The following ABCA8 variants were observed in gnomAD, a reference collection of about 807,000 sequenced individuals.
ABCA8 encodes the protein ATP binding cassette subfamily A member 8.
ABCA8 carries 177 observed loss-of-function variants against 192.3 expected under a neutral mutation model. The observed-to-expected ratio is 0.92, with a 90% CI of 0.81 to 1.04. The LOEUF is 1.04. Ranked by LOEUF, ABCA8 falls within the 50% of genes least tolerant of loss-of-function variation. The pLI, the probability that ABCA8 is intolerant of heterozygous loss-of-function variation, is 0.00. For synonymous variants in ABCA8, 642 were observed against 690.2 expected, an observed-to-expected ratio of 0.93 and a Z score of 1.09; for missense variants, 1,915 against 1,904.8, an observed-to-expected ratio of 1.01 and a Z score of -0.10.
At chr17:68,868,388 T>C (rs1176192658) in intron 38 of ABCA8, 32 bp from the exon 39 acceptor site, 3 of 1,566,172 alleles carry the variant, frequency 1.9e-6, no homozygotes, top group Non-Finnish European at 2.6e-6. Flanking sequence ...TTAGTTCATA[T>C]ATTTCATATC....
chr17:68,894,372 C>A, intron 22 of ABCA8, 62 bp from the exon 23 acceptor site: 1 of 1,400,130 alleles, frequency 7.1e-7, no homozygotes, highest in South Asian at 1.4e-5. Context: ...CTAAAAAAGT[C>A]AAAATTTGAC....
chr17:68,886,370 A>G (rs2066461485), intron 26 of ABCA8, among the ~76,000 whole-genome samples: 1 of 152,174 alleles, frequency 6.6e-6, no homozygotes, highest in Non-Finnish European at 1.5e-5. Flanking sequence ...TCCTAGGATC[A>G]GCTTGGGCTT....
chr17:68,885,031 G>A (rs2066424116), intron 27 of ABCA8, among the ~76,000 whole-genome samples, 165 bp downstream of exon 27: 1 of 152,146 alleles, frequency 6.6e-6, no homozygotes, highest in Non-Finnish European at 1.5e-5. Flanking sequence ...CCAGTCAGCT[G>A]GAACATATTG....
chr17:68,909,421 A>G lies in ABCA8; in HGVS notation c.2139-1542T>C, dbSNP rs181681864. 2.4e-3 allele frequency among the ~76,000 whole-genome samples: 362 copies of G among 152,316 alleles called. 1 individual carries two copies. In the Middle Eastern group the frequency reaches 0.024, roughly 10 times the overall value. On this transcript the variant is annotated intron_variant, in intron 17 of 39. Coordinates refer to ENST00000586539, the MANE Select transcript of ABCA8 (RefSeq NM_001288985.2). ...GTAGGCTGGATGTGGCTCATGAGCTATAATTTGTTGGCCCTTAGATTAGAA... is the reference window on the plus strand; with the variant it reads ...GTAGGCTGGATGTGGCTCATGAGCTGTAATTTGTTGGCCCTTAGATTAGAA...
At chr17:68,884,651 A>G in intron 27 of ABCA8, 1 of 1,177,554 alleles carries the variant, frequency 8.5e-7, no homozygotes, top group Non-Finnish European at 1.0e-6. Context: ...AACCTCCCCA[A>G]ACAGTGAGAG....
chr17:68,887,886 A>ATATATC (rs1414912241), intron 24 of ABCA8, among the ~76,000 whole-genome samples: 2 of 41,568 alleles, frequency 4.8e-5, no homozygotes, highest in East Asian at 7.4e-3. Flanking sequence ...TCCTCCATAT[A>ATATATC]TATATATATA....
intron 22 of ABCA8, 182 bp downstream of exon 22, chr17:68,894,698 A>C: frequency 3.2e-6 from 2 of 634,286 alleles, no homozygotes; most frequent in Non-Finnish European, 5.2e-6. Flanking sequence ...TTTTGCTAAT[A>C]GTTTGTGCCA....
chr17:68,918,930 CAAAAAAAAAA>C (rs34377045), intron 14 of ABCA8, among the ~76,000 whole-genome samples: 3 of 45,954 alleles, frequency 6.5e-5, no homozygotes, highest in African/African-American at 1.5e-4. Context: ...AACTCTGTCT[CAAAAAAAAAA>C]AAAAAAAAAA....
rs111832194 is a variant in ABCA8, at chr17:68,901,578, C to T, written c.2764+1135G>A. On this transcript the variant is annotated intron_variant, in intron 21 of 39. Coordinates refer to ENST00000586539, the MANE Select transcript of ABCA8 (RefSeq NM_001288985.2). ...ATCCCAACACTTTGGGAGGCTGAGG[C>T]GGGCGGATCACGAGGTCAAGAGATC... Among the ~76,000 whole-genome samples, 1,183 of 152,106 alleles carry T rather than the reference C, an allele frequency of 7.8e-3. 17 individuals carry two copies. Among genetic ancestry groups the T allele is most frequent in the African/African-American group, 0.027 (1,116 of 41,508 alleles).
chr17:68,887,748 G>T (rs960911153), intron 24 of ABCA8, among the ~76,000 whole-genome samples: 3 of 151,330 alleles, frequency 2.0e-5, no homozygotes, highest in Non-Finnish European at 4.4e-5. Context: ...AATGATCAAA[G>T]CATGAACACT....
At chr17:68,919,557 G>T in intron 13 of ABCA8, 81 bp from the exon 14 acceptor site, 2 of 1,233,226 alleles carry the variant, frequency 1.6e-6, no homozygotes, top group South Asian at 1.5e-5. Context: ...ATGTACGTAT[G>T]ACTTTATCTT....
chr17:68,875,593 G>A (rs758463245), intron 36 of ABCA8, 21 bp downstream of exon 36: 1 of 1,610,678 alleles, frequency 6.2e-7, no homozygotes, highest in Admixed American at 1.7e-5. Context: ...GCTCAAGTGT[G>A]GGTCCAGGAC....
At chr17:68,893,887 T>A (rs1307180656) in intron 23 of ABCA8, among the ~76,000 whole-genome samples, 1 of 64,306 alleles carries the variant, frequency 1.6e-5, no homozygotes, top group Non-Finnish European at 2.8e-5. Context: ...CCCTCCCCCC[T>A]CCCCCCACCC....
At position 68,907,847 on chromosome 17, in the gene ABCA8, T is replaced by G; in HGVS notation, c.2171A>C (p.Asn724Thr). ...LQLNEICVEE[N>T]ITSLVKQHIP... ...GTGCTGTTTAACAAGTGATGTTATG[T>G]TTTCCTCAACACATATTTCATTTAA... Residue 724 changes from asparagine (N) to threonine (T), a missense_variant, in exon 18 of 40, where the codon AAC (asparagine) becomes ACC (threonine). Asn to Thr is a moderately conservative substitution (Grantham distance 65, BLOSUM62 0). Transcript: ENST00000586539. The G allele has an allele frequency of 6.2e-7, 1 of 1,602,720 alleles. No homozygotes were observed. Among genetic ancestry groups the G allele is most frequent in the South Asian group, 1.1e-5 (1 of 87,174 alleles).
At chr17:68,910,358 C>G (rs2067202260) in intron 17 of ABCA8, among the ~76,000 whole-genome samples, 1 of 152,120 alleles carries the variant, frequency 6.6e-6, no homozygotes, top group Non-Finnish European at 1.5e-5. Context: ...TGCATTGGAA[C>G]TCAGTGTTGC....
chr17:68,885,375 G>A, intron 26 of ABCA8, 60 bp from the exon 27 acceptor site: 1 of 1,512,170 alleles, frequency 6.6e-7, no homozygotes, highest in Non-Finnish European at 8.9e-7. Flanking sequence ...TCCAAATCGA[G>A]ATGGCTCATC....
At chr17:68,907,218 T>G (rs372436139) in intron 18 of ABCA8, among the ~76,000 whole-genome samples, 9 of 152,200 alleles carry the variant, frequency 5.9e-5, no homozygotes, top group Non-Finnish European at 1.2e-4. Context: ...TTTGAATGAA[T>G]GTATATGTCT....
At chr17:68,880,261 T>G (rs2066302704) in intron 32 of ABCA8, 1 of 152,222 alleles carries the variant, frequency 6.6e-6, no homozygotes. Context: ...CATTAGGGGC[T>G]GGACACTCAT....
At chr17:68,908,974 C>A (rs774638239) in intron 17 of ABCA8, among the ~76,000 whole-genome samples, 6 of 152,258 alleles carry the variant, frequency 3.9e-5, no homozygotes, top group Non-Finnish European at 8.8e-5. Context: ...AATTATTCCA[C>A]TGACACATAA....
Sources: gnomAD v4.1 joint callset for allele counts (sites outside exome capture counted in the v4.1 genomes callset) on GRCh38, gnomAD v4.1.1 for gene constraint, MANE v1.5 for transcripts, NCBI Gene and HGNC (gene_info 2026-07-23, HGNC 2026-07-21) for gene names.